SNRK: variants seen among roughly 807,000 people sequenced by gnomAD.
SNRK encodes SNF related kinase.
SNRK carries 3 observed loss-of-function variants against 48.2 expected under a neutral mutation model. The observed-to-expected ratio is 0.06, with a 90% CI of 0.03 to 0.16. The LOEUF is 0.16. Ranked by LOEUF, SNRK falls within the 10% of genes least tolerant of loss-of-function variation. The pLI, the probability that SNRK is intolerant of heterozygous loss-of-function variation, is 1.00. For missense variants in SNRK, 627 were observed against 976.0 expected, an observed-to-expected ratio of 0.64 and a Z score of 4.76; for synonymous variants, 376 against 366.1, an observed-to-expected ratio of 1.03 and a Z score of -0.31.
chr3:43,333,082 T>A (rs2091158946), intron 4 of SNRK: 1 of 152,048 alleles, frequency 6.6e-6, no homozygotes, highest in African/African-American at 2.4e-5. Context: ...GGACTTTTTT[T>A]CTCTAAATGA....
At chr3:43,321,994 A>AC (rs1289732956) in intron 3 of SNRK, among the ~76,000 whole-genome samples, 1 of 152,238 alleles carries the variant, frequency 6.6e-6, no homozygotes, top group East Asian at 1.9e-4. Flanking sequence ...ATATCTCAGC[A>AC]CCTAGCACAG....
intron 5 of SNRK, 132 bp downstream of exon 5, chr3:43,340,631 A>C (rs1304432300): frequency 1.2e-6 from 1 of 803,296 alleles, no homozygotes; most frequent in African/African-American, 1.7e-5. Context: ...TGTGTCATTT[A>C]TCTCTAAAGT....
At chr3:43,288,313 ATAAT>A (rs1471553720) in intron 1 of SNRK, among the ~76,000 whole-genome samples, 1 of 152,182 alleles carries the variant, frequency 6.6e-6, no homozygotes, top group African/African-American at 2.4e-5. Context: ...GTATTTTTTA[ATAAT>A]TCTGAGTATT....
At chr3:43,310,526 C>G (rs796551869) in intron 3 of SNRK, among the ~76,000 whole-genome samples, 1 of 152,098 alleles carries the variant, frequency 6.6e-6, no homozygotes, top group Non-Finnish European at 1.5e-5. Flanking sequence ...CTTGGCCTCC[C>G]TGTCCCTTTC....
rs1392452081 is a variant in SNRK, at chr3:43,323,193, T to C, written c.590-8976T>C. Among the ~76,000 whole-genome samples, 5 of 152,120 alleles carry C rather than the reference T, an allele frequency of 3.3e-5. No individual in the cohort carries two copies. In the East Asian group the frequency reaches 9.6e-4, roughly 29 times the overall value. On this transcript the variant is annotated intron_variant, in intron 3 of 6. Transcript: ENST00000296088. ...GCCATGTGTAAAAGCTCGATCTGTG[T>C]CATAGACATACATGTAAAATGAAAA...
chr3:43,346,150 G>A (rs1359679632), intron 6 of SNRK, among the ~76,000 whole-genome samples: 4 of 152,200 alleles, frequency 2.6e-5, no homozygotes, highest in East Asian at 1.9e-4. Flanking sequence ...TAAGCAGGAC[G>A]TGGCCACACA....
chr3:43,299,629 C>T (rs1363525247), intron 1 of SNRK, 125 bp from the exon 2 acceptor site: 1 of 152,570 alleles, frequency 6.6e-6, no homozygotes, highest in African/African-American at 2.4e-5. Flanking sequence ...GACTGGGTTA[C>T]TAAAGACAAA....
Position 43,350,864 on chromosome 3 carries a change from G to GTATATA in SNRK, c.*2314_*2319dup, listed in dbSNP as rs57992938. ...CAGTCTTGTATTTTTCTGTATGTGT[G>GTATATA]TATATATATATAATTATGTACTTCT... On this transcript the variant is annotated 3_prime_UTR_variant, in exon 7 of 7. Transcript: ENST00000296088. The GTATATA allele has an allele frequency of 6.6e-6, 1 of 152,092 alleles. No individual in the cohort carries two copies. Among genetic ancestry groups the GTATATA allele is most frequent in the Admixed American group, 6.6e-5 (1 of 15,238 alleles). The allele number at this position is 152,092 out of a possible 1,614,324, so 9.4% of individuals were successfully genotyped here.
chr3:43,329,924 A>G (rs892398391), intron 3 of SNRK, among the ~76,000 whole-genome samples: 1 of 152,192 alleles, frequency 6.6e-6, no homozygotes, highest in African/African-American at 2.4e-5. Context: ...TATATTTTTA[A>G]AACATTATTT....
rs555427811 is a variant in SNRK at position 43,344,011 on chromosome 3, A to G, written c.1079+533A>G. Among the ~76,000 whole-genome samples, 7 of 152,154 alleles carry G rather than the reference A, an allele frequency of 4.6e-5. No individual in the cohort carries two copies. The South Asian group carries it at 1.5e-3, about 32-fold the overall frequency. On this transcript the variant is annotated intron_variant, in intron 6 of 6. Transcript: ENST00000296088. ...TGCTTAACCTCTCTATGACTTAGCT[A>G]CCCGATCTGTAAAACAAAAGTAACA...
intron 3 of SNRK, among the ~76,000 whole-genome samples, chr3:43,322,867 G>T (rs1255993282): frequency 6.9e-6 from 1 of 145,816 alleles, no homozygotes; most frequent in Non-Finnish European, 1.5e-5. Context: ...CAGGAGAATG[G>T]CGTGAACCCG....
rs571176346 is a variant in SNRK at position 43,297,815 on chromosome 3, A to AC, written c.-168-1934dup. Among the ~76,000 whole-genome samples, 508 of 151,594 alleles carry AC rather than the reference A, an allele frequency of 3.4e-3. 7 individuals carry two copies. The highest frequency in any genetic ancestry group is 0.011 in the African/African-American group (437 of 41,308). On this transcript the variant is annotated intron_variant, in intron 1 of 6. Transcript: ENST00000296088. ...ATTTTGTGAGATATTTTATTGAAAA[A>AC]CCCCCAGTCTTTGATGCCTAACTAG... is the stretch of plus-strand genomic sequence containing the variant.
In SNRK at chr3:43,347,951, G is replaced by T. The variant is rs1263353928; in HGVS notation, c.1692G>T (p.Trp564Cys). Reference sequence around the variant, plus strand: ...AAGATAGCGGGTTCACCTACTCCTGGCACCGACGGGATAGCAGCGAGGGGC... The same window carrying T: ...AAGATAGCGGGTTCACCTACTCCTGTCACCGACGGGATAGCAGCGAGGGGC... ...LDKDSGFTYS[W>C]HRRDSSEGPP... The change falls in exon 7 of 7, where the codon TGG becomes TGT. Residue 564 changes from tryptophan (W) to cysteine (C), a missense_variant. Around this residue, in one of 4 missense-constraint regions of SNRK, gnomAD observed 98 missense variants for 175.2 expected, o/e 0.56. Transcript: ENST00000296088. The surrounding 1 kb of genome is among the most constrained non-coding windows in gnomAD (Gnocchi z 5.4). The T allele has an allele frequency of 6.2e-7, 1 of 1,614,020 alleles. No homozygotes were observed. The highest frequency in any genetic ancestry group is 8.5e-7 in the Non-Finnish European group (1 of 1,180,046).
chr3:43,312,641 G>A (rs892465415), intron 3 of SNRK, among the ~76,000 whole-genome samples: 1 of 152,034 alleles, frequency 6.6e-6, no homozygotes, highest in African/African-American at 2.4e-5. Context: ...TATAAAGATA[G>A]GAAAAGAAGA....
intron 1 of SNRK, among the ~76,000 whole-genome samples, chr3:43,296,870 C>T (rs1392160535): frequency 6.6e-6 from 1 of 152,214 alleles, no homozygotes; most frequent in African/African-American, 2.4e-5. Context: ...ACACTTCCTT[C>T]CTCTTCTCCA....
At chr3:43,338,170 T>G (rs763643276) in intron 4 of SNRK, among the ~76,000 whole-genome samples, 1 of 152,238 alleles carries the variant, frequency 6.6e-6, no homozygotes, top group Non-Finnish European at 1.5e-5. Context: ...AGTTAAAAAT[T>G]TCATATTTAC....
intron 6 of SNRK, among the ~76,000 whole-genome samples, chr3:43,345,473 T>C (rs1311829742): frequency 6.6e-6 from 1 of 152,166 alleles, no homozygotes; most frequent in Non-Finnish European, 1.5e-5. Flanking sequence ...GTGGGTAGTC[T>C]GGAAGAATTT....
At position 43,347,795 on chromosome 3, in the gene SNRK, A is replaced by G. The variant is rs773605875; in HGVS notation, c.1536A>G (p.Leu512=). 2.5e-6 allele frequency: 4 copies of G among 1,614,222 alleles called. No homozygotes were observed. Reference sequence around the variant, plus strand: ...ATCTGCCTCCCAAGTTGAGCAGGTTAAAGATGAATATAGCTTCTCCAGGTA... The same window carrying G: ...ATCTGCCTCCCAAGTTGAGCAGGTTGAAGATGAATATAGCTTCTCCAGGTA... ...DENLPPKLSR[L]KMNIASPGTV... is the part of the protein sequence containing the mutation. Residue 512 remains leucine, a synonymous_variant, in exon 7 of 7, where the codon TTA becomes TTG. Coordinates refer to ENST00000296088, the MANE Select transcript of SNRK (RefSeq NM_017719.5). The surrounding 1 kb of genome is among the most constrained non-coding windows in gnomAD (Gnocchi z 5.4).
intron 5 of SNRK, 86 bp downstream of exon 5, chr3:43,340,585 C>A: frequency 8.5e-7 from 1 of 1,172,800 alleles, no homozygotes; most frequent in Non-Finnish European, 1.2e-6. Context: ...CTTTGGACAC[C>A]TGTGTAATAG....
Sources: allele counts gnomAD v4.1 joint callset (sites outside exome capture counted in the v4.1 genomes callset), GRCh38; gene constraint gnomAD v4.1.1; regional missense constraint gnomAD v4.1.1; non-coding constraint Gnocchi (gnomAD v3.1); transcripts MANE v1.5; gene names NCBI Gene and HGNC (gene_info 2026-07-23, HGNC 2026-07-21).